Variants in KCNIP4 observed in about 807,000 individuals in gnomAD.
KCNIP4 encodes Kv channel-interacting protein 4.
Under a neutral mutation model 34.0 loss-of-function variants are expected in KCNIP4, and 12 were observed. The observed-to-expected ratio is 0.35, with a 90% CI of 0.23 to 0.57. The LOEUF (loss-of-function observed/expected upper bound fraction) is 0.57, where lower values mean the gene tolerates loss of function less well. Among genes scored for constraint, KCNIP4 ranks in the 20% least tolerant of loss-of-function variants. The probability of loss-of-function intolerance (pLI) is 0.83; values close to 1 mark genes in which losing one functional copy is unlikely to be tolerated. For synonymous variants in KCNIP4, 124 were observed against 102.2 expected (o/e 1.21, Z -1.29); for missense variants, 238 against 311.7 (o/e 0.76, Z 1.78).
intron 1 of KCNIP4, among the ~76,000 whole-genome samples, chr4:21,775,869 G>A (rs1199819803): frequency 1.3e-5 from 2 of 152,212 alleles, no homozygotes; most frequent in Non-Finnish European, 2.9e-5. Flanking sequence ...TGACCAGGGA[G>A]CTTAGCATTT....
chr4:21,212,266 T>C (rs565514550), intron 1 of KCNIP4, among the ~76,000 whole-genome samples: 1 of 152,338 alleles, frequency 6.6e-6, no homozygotes, highest in East Asian at 1.9e-4. Flanking sequence ...ATGTCTCTGC[T>C]TCTAAGTTGT....
intron 1 of KCNIP4, among the ~76,000 whole-genome samples, chr4:20,941,808 GA>G (rs1460929027): frequency 6.6e-6 from 1 of 152,134 alleles, no homozygotes; most frequent in African/African-American, 2.4e-5. Flanking sequence ...AGTATATAGA[GA>G]AATGAGAAAA....
intron 1 of KCNIP4, among the ~76,000 whole-genome samples, chr4:21,858,739 T>A (rs1455727494): frequency 6.6e-6 from 1 of 152,228 alleles, no homozygotes; most frequent in African/African-American, 2.4e-5. Flanking sequence ...TAACACAGCT[T>A]AAAAATTTTC....
chr4:20,735,341 A>T (rs1749320952), intron 5 of KCNIP4, among the ~76,000 whole-genome samples: 1 of 152,080 alleles, frequency 6.6e-6, no homozygotes, highest in Non-Finnish European at 1.5e-5. Context: ...AATGGAGCTA[A>T]TAATAGTATC....
intron 2 of KCNIP4, among the ~76,000 whole-genome samples, chr4:20,857,908 A>G (rs1721774408): frequency 6.6e-6 from 1 of 151,992 alleles, no homozygotes; most frequent in Non-Finnish European, 1.5e-5. Context: ...TAGGGCCTTT[A>G]AGAAGATAGT....
chr4:21,264,016 G>A (rs552369338), intron 1 of KCNIP4, among the ~76,000 whole-genome samples: 1 of 151,592 alleles, frequency 6.6e-6, no homozygotes, highest in Non-Finnish European at 1.5e-5. Flanking sequence ...GTAGACATTG[G>A]CTATATAGCC....
intron 1 of KCNIP4, among the ~76,000 whole-genome samples, chr4:21,334,060 A>T (rs944489790): frequency 7.9e-5 from 12 of 152,264 alleles, no homozygotes; most frequent in Admixed American, 6.5e-4. Context: ...GAAACCAGCT[A>T]CAAAAACTCA....
intron 3 of KCNIP4, among the ~76,000 whole-genome samples, chr4:20,836,275 T>G (rs1348740549): frequency 6.6e-6 from 1 of 152,198 alleles, no homozygotes; most frequent in African/African-American, 2.4e-5. Context: ...TTAAATCCAA[T>G]AAACCCTTTC....
chr4:20,859,120 G>A (rs555126947), intron 2 of KCNIP4, among the ~76,000 whole-genome samples: 1 of 152,282 alleles, frequency 6.6e-6, no homozygotes, highest in Admixed American at 6.5e-5. Flanking sequence ...GCACCTTCAG[G>A]AGATCACCAG....
intron 1 of KCNIP4, among the ~76,000 whole-genome samples, chr4:20,965,878 CT>C (rs534111602): frequency 1.9e-3 from 294 of 152,214 alleles, no homozygotes; most frequent in African/African-American, 6.8e-3. Context: ...CTATTTTGAG[CT>C]TTAAACTTTT....
chr4:21,709,333 T>A (rs1713535973), intron 1 of KCNIP4, among the ~76,000 whole-genome samples: 1 of 152,216 alleles, frequency 6.6e-6, no homozygotes, highest in Non-Finnish European at 1.5e-5. Context: ...GACGTTAAGA[T>A]ACAAACTGAG....
At chr4:21,101,932 G>A (rs1250043405) in intron 1 of KCNIP4, among the ~76,000 whole-genome samples, 2 of 152,050 alleles carry the variant, frequency 1.3e-5, no homozygotes, top group Non-Finnish European at 2.9e-5. Flanking sequence ...TGTTTCATGG[G>A]AGAAAATGTA....
In KCNIP4 at chr4:21,250,237, T is replaced by C. The variant is rs144486868; in HGVS notation, c.62-367528A>G. On this transcript the variant is annotated intron_variant, in intron 1 of 8. Coordinates refer to ENST00000382152, the MANE Select transcript of KCNIP4 (RefSeq NM_025221.6). ...ACTGTTAAAAAAAAAAAAAAGGAAA[T>C]ATACATATATATGCACAAAATTGCT... 9.3e-3 allele frequency among the ~76,000 whole-genome samples: 1,345 copies of C among 145,032 alleles called. 18 individuals carry two copies. The highest frequency in any genetic ancestry group is 0.033 in the African/African-American group (1,293 of 39,170).
At chr4:21,039,090 T>C (rs1741720086) in intron 1 of KCNIP4, among the ~76,000 whole-genome samples, 1 of 152,152 alleles carries the variant, frequency 6.6e-6, no homozygotes, top group Admixed American at 6.5e-5. Flanking sequence ...CTGGGCGCGG[T>C]GGCTCATGCC....
rs776718986 is a variant in KCNIP4 at position 21,775,486 on chromosome 4, T to A, written c.61+173085A>T. On this transcript the variant is annotated intron_variant, in intron 1 of 8. Transcript: ENST00000382152. ...CCCACTTAAAAAAGCACTTTGTCCC[T>A]TAGTGGAGAGGGTATGCTTTTCTTC... Among the ~76,000 whole-genome samples the A allele has an allele frequency of 1.6e-3, 238 of 152,262 alleles. 3 individuals carry two copies. The highest frequency in any genetic ancestry group is 1.9e-3 in the Non-Finnish European group (129 of 68,004).
At chr4:21,683,186 A>G (rs942730004) in intron 1 of KCNIP4, among the ~76,000 whole-genome samples, 3 of 152,138 alleles carry the variant, frequency 2.0e-5, no homozygotes, top group African/African-American at 4.8e-5. Flanking sequence ...ATCCCTTACC[A>G]TACCTTCTGA....
At chr4:21,049,012 G>C (rs10005892) in intron 1 of KCNIP4, among the ~76,000 whole-genome samples, 18,751 of 143,616 alleles carry the variant, frequency 0.13, 1,488 homozygotes, top group African/African-American at 0.22. Context: ...GTGCAGTGGC[G>C]CGATCTCGGC....
chr4:21,552,804 G>T (rs1417929560), intron 1 of KCNIP4, among the ~76,000 whole-genome samples: 1 of 152,022 alleles, frequency 6.6e-6, no homozygotes, highest in Non-Finnish European at 1.5e-5. Context: ...ACCTCCTGGG[G>T]TTCACAAAGT....
intron 1 of KCNIP4, among the ~76,000 whole-genome samples, chr4:21,080,037 G>A (rs929963467): frequency 2.6e-5 from 4 of 151,832 alleles, no homozygotes; most frequent in South Asian, 2.1e-4. Flanking sequence ...GCTGTTTTAA[G>A]CCACGAGGTT....
Sources: allele counts gnomAD v4.1 joint callset (sites outside exome capture counted in the v4.1 genomes callset), GRCh38; gene constraint gnomAD v4.1.1; transcripts MANE v1.5; gene names NCBI Gene and HGNC (gene_info 2026-07-23, HGNC 2026-07-21).